GPC6: variants seen among roughly 807,000 people sequenced by gnomAD.
GPC6 encodes glypican 6, also known as glypican-6.
Under a neutral mutation model 55.2 loss-of-function variants are expected in GPC6, and 14 were observed. The ratio of observed to expected loss-of-function variants is 0.25; its 90% CI spans 0.17 to 0.40. GPC6 has a LOEUF of 0.40. Ranked by LOEUF, GPC6 falls within the 10% of genes least tolerant of loss-of-function variation. GPC6 has a pLI of 1.00. For synonymous variants in GPC6, 278 were observed against 259.6 expected (o/e 1.07, Z -0.68); for missense variants, 641 against 708.5 (o/e 0.90, Z 1.08).
intron 1 of GPC6, among the ~76,000 whole-genome samples, chr13:93,340,883 C>T (rs546621053): frequency 1.2e-4 from 19 of 152,256 alleles, no homozygotes; most frequent in African/African-American, 4.6e-4. Flanking sequence ...AGTGCACCTA[C>T]CACCGGAGTA....
rs139256358 is a variant in GPC6, at chr13:93,849,712, T to C, written c.711+19167T>C. ...TTCAGCTCATCTTTCCAGAGGCTTG[T>C]TGACTTACTTATTACAATTGAGTTT... On this transcript the variant is annotated intron_variant, in intron 3 of 8. Transcript: ENST00000377047. 5.5e-3 allele frequency among the ~76,000 whole-genome samples: 830 copies of C among 152,214 alleles called. 6 individuals carry two copies. Among genetic ancestry groups the C allele is most frequent in the African/African-American group, 0.018 (766 of 41,566 alleles).
chr13:94,149,450 G>T, intron 4 of GPC6, among the ~76,000 whole-genome samples: 1 of 152,150 alleles, frequency 6.6e-6, no homozygotes, highest in East Asian at 1.9e-4. Context: ...CATATGCCTT[G>T]TGTGCCTTTA....
At chr13:93,294,793 G>T (rs1204399280) in intron 1 of GPC6, among the ~76,000 whole-genome samples, 1 of 151,806 alleles carries the variant, frequency 6.6e-6, no homozygotes, top group African/African-American at 2.4e-5. Context: ...TTTATTTTTG[G>T]CCCAGACTCT....
intron 1 of GPC6, among the ~76,000 whole-genome samples, chr13:93,379,156 T>C (rs1875050863): frequency 6.6e-6 from 1 of 152,118 alleles, no homozygotes; most frequent in Non-Finnish European, 1.5e-5. Context: ...TGGGCTTAGG[T>C]AATCCTCCCA....
At chr13:93,507,520 T>G (rs1445267) in intron 1 of GPC6, among the ~76,000 whole-genome samples, 16,211 of 152,236 alleles carry the variant, frequency 0.11, 1,326 homozygotes, top group East Asian at 0.48. Context: ...GCTCACTACT[T>G]TAATTCCAAT....
At chr13:93,239,524 C>G (rs1213811022) in intron 1 of GPC6, among the ~76,000 whole-genome samples, 1 of 151,736 alleles carries the variant, frequency 6.6e-6, no homozygotes, top group Non-Finnish European at 1.5e-5. Flanking sequence ...TGAATCTTCT[C>G]TATTGTTTTC....
intron 2 of GPC6, among the ~76,000 whole-genome samples, chr13:93,739,389 ATAAG>A (rs918973284): frequency 6.6e-6 from 1 of 152,050 alleles, no homozygotes; most frequent in Admixed American, 6.6e-5. Flanking sequence ...TACATAATAA[ATAAG>A]TAAATAGGAA....
chr13:93,956,997 T>C (rs936027789), intron 3 of GPC6, among the ~76,000 whole-genome samples: 1 of 152,180 alleles, frequency 6.6e-6, no homozygotes, highest in Non-Finnish European at 1.5e-5. Flanking sequence ...TCTATTGATA[T>C]GGTATTCCCA....
At chr13:93,672,304 A>C (rs1881393963) in intron 2 of GPC6, among the ~76,000 whole-genome samples, 1 of 151,914 alleles carries the variant, frequency 6.6e-6, no homozygotes, top group Non-Finnish European at 1.5e-5. Flanking sequence ...TCATATTTGG[A>C]TATAACTATT....
At chr13:93,991,760 A>G (rs1881316412) in intron 3 of GPC6, among the ~76,000 whole-genome samples, 1 of 152,150 alleles carries the variant, frequency 6.6e-6, no homozygotes, top group Non-Finnish European at 1.5e-5. Context: ...AAGTTCTGTC[A>G]AGTGAAATTG....
chr13:94,192,927 A>T (rs770615328), intron 4 of GPC6, among the ~76,000 whole-genome samples: 4 of 152,140 alleles, frequency 2.6e-5, no homozygotes, highest in Non-Finnish European at 4.4e-5. Context: ...TAGACACATG[A>T]TGGTTTAATG....
intron 2 of GPC6, among the ~76,000 whole-genome samples, chr13:93,703,228 G>T (rs1882733640): frequency 6.6e-6 from 1 of 151,870 alleles, no homozygotes; most frequent in South Asian, 2.1e-4. Context: ...AGGGACAAGG[G>T]AATGGTCAGT....
At chr13:93,865,258 C>G (rs545951656) in intron 3 of GPC6, among the ~76,000 whole-genome samples, 2 of 151,764 alleles carry the variant, frequency 1.3e-5, no homozygotes, top group East Asian at 3.9e-4. Flanking sequence ...ATGGAACTTA[C>G]TCTCTGGGGA....
At chr13:93,795,855 G>A (rs1262475867) in intron 2 of GPC6, among the ~76,000 whole-genome samples, 4 of 152,074 alleles carry the variant, frequency 2.6e-5, no homozygotes, top group Admixed American at 1.3e-4. Context: ...ACATGGGGAA[G>A]TATTTTGAAA....
chr13:93,515,530 A>G (rs1167931659), intron 1 of GPC6, among the ~76,000 whole-genome samples: 1 of 152,232 alleles, frequency 6.6e-6, no homozygotes, highest in Non-Finnish European at 1.5e-5. Context: ...AAACTTGGGC[A>G]AATTATTTAA....
At chr13:93,720,260 A>G (rs1341612270) in intron 2 of GPC6, among the ~76,000 whole-genome samples, 1 of 152,032 alleles carries the variant, frequency 6.6e-6, no homozygotes, top group Admixed American at 6.6e-5. Flanking sequence ...TTATTGGTCT[A>G]TTCAGGGATT....
chr13:93,755,205 G>A (rs761753698), intron 2 of GPC6, among the ~76,000 whole-genome samples: 8 of 152,168 alleles, frequency 5.3e-5, no homozygotes, highest in Non-Finnish European at 7.4e-5. Context: ...CCACCACAAT[G>A]TAGAAGATCT....
intron 6 of GPC6, among the ~76,000 whole-genome samples, chr13:94,360,326 A>G (rs758262249): frequency 1.3e-5 from 2 of 152,210 alleles, no homozygotes; most frequent in Non-Finnish European, 2.9e-5. Flanking sequence ...TAGATGACTG[A>G]TCGATGATAG....
At chr13:93,544,918 A>T (rs1448742424) in intron 1 of GPC6, among the ~76,000 whole-genome samples, 1 of 152,164 alleles carries the variant, frequency 6.6e-6, no homozygotes, top group Non-Finnish European at 1.5e-5. Flanking sequence ...TCCCGAGAAA[A>T]GCATACATAG....
Sources: gnomAD v4.1 joint callset for allele counts (sites outside exome capture counted in the v4.1 genomes callset) on GRCh38, gnomAD v4.1.1 for gene constraint, MANE v1.5 for transcripts, NCBI Gene and HGNC (gene_info 2026-07-23, HGNC 2026-07-21) for gene names.